Variants in RABGAP1L observed in about 807,000 individuals in gnomAD.
RABGAP1L encodes rab GTPase-activating protein 1-like.
In RABGAP1L, 63 loss-of-function variants were observed where a neutral mutation model predicts 137.7. The observed-to-expected ratio is 0.46, with a 90% CI of 0.37 to 0.56. The LOEUF (loss-of-function observed/expected upper bound fraction) is 0.56. Ranked by LOEUF, RABGAP1L falls within the 20% of genes least tolerant of loss-of-function variation. RABGAP1L has a pLI of 0.00. For missense variants in RABGAP1L, 1,095 were observed against 1,244.0 expected (o/e 0.88, Z 1.80); for synonymous variants, 431 against 433.7 (o/e 0.99, Z 0.08).
At chr1:174,170,671 CAAAA>C (rs35800051) in intron 1 of RABGAP1L, among the ~76,000 whole-genome samples, 1 of 85,348 alleles carries the variant, frequency 1.2e-5, no homozygotes, top group Non-Finnish European at 2.4e-5. Flanking sequence ...GACGCTGTTT[CAAAA>C]AAAAAAAAAA....
intron 1 of RABGAP1L, among the ~76,000 whole-genome samples, chr1:174,161,416 A>T (rs1163985793): frequency 6.6e-6 from 1 of 151,578 alleles, no homozygotes; most frequent in Non-Finnish European, 1.5e-5. Flanking sequence ...CTAATTTTGT[A>T]TTTTTAGTAC....
chr1:174,946,938 A>ATGTGTG (rs1260955516), intron 19 of RABGAP1L, among the ~76,000 whole-genome samples: 30 of 65,372 alleles, frequency 4.6e-4, no homozygotes, highest in African/African-American at 1.9e-3. Flanking sequence ...ATATATATAT[A>ATGTGTG]TATGTGTGTG....
chr1:174,814,398 C>T (rs1690170886), intron 19 of RABGAP1L, among the ~76,000 whole-genome samples: 1 of 151,730 alleles, frequency 6.6e-6, no homozygotes, highest in African/African-American at 2.4e-5. Flanking sequence ...AGACGGTATC[C>T]ACGGGACACC....
At chr1:174,468,709 A>G (rs984439782) in intron 13 of RABGAP1L, among the ~76,000 whole-genome samples, 1 of 150,546 alleles carries the variant, frequency 6.6e-6, no homozygotes, top group African/African-American at 2.4e-5. Context: ...ATCTATATCT[A>G]CCTCTTTCTC....
intron 19 of RABGAP1L, among the ~76,000 whole-genome samples, chr1:174,857,862 G>A (rs1649579252): frequency 6.6e-6 from 1 of 152,104 alleles, no homozygotes. Flanking sequence ...CTAATTCAGT[G>A]ACTCATTTAC....
intron 17 of RABGAP1L, among the ~76,000 whole-genome samples, chr1:174,709,548 G>C (rs1680314359): frequency 6.6e-6 from 1 of 152,124 alleles, no homozygotes; most frequent in African/African-American, 2.4e-5. Context: ...TTCTGCAGTG[G>C]ACCTCCAGCA....
chr1:174,360,410 G>A (rs1266225316), intron 11 of RABGAP1L, among the ~76,000 whole-genome samples: 1 of 151,944 alleles, frequency 6.6e-6, no homozygotes, highest in African/African-American at 2.4e-5. Context: ...TAATAGTTTG[G>A]CATTATTTCT....
At position 174,761,634 on chromosome 1, in the gene RABGAP1L, C is replaced by G. The variant is rs774658805; in HGVS notation, c.2211+9280C>G. 6.6e-6 allele frequency among the ~76,000 whole-genome samples: 1 copy of G among 152,200 alleles called. No individual in the cohort carries two copies. The highest frequency in any genetic ancestry group is 6.5e-5 in the Admixed American group (1 of 15,288). ...GCACTCCTCACTTCCCAGACGGAGA[C>G]AGTGTGGGGGCCGGACAAGGGCCGA... On this transcript the variant is annotated intron_variant, in intron 18 of 25. Coordinates refer to ENST00000681986, the MANE Select transcript of RABGAP1L (RefSeq NM_001366446.1). The surrounding 1 kb of genome is among the most constrained non-coding windows in gnomAD (Gnocchi z 4.0).
At chr1:174,248,919 C>T (rs1464736281) in intron 5 of RABGAP1L, among the ~76,000 whole-genome samples, 1 of 152,054 alleles carries the variant, frequency 6.6e-6, no homozygotes, top group Non-Finnish European at 1.5e-5. Context: ...TTTTTTAACC[C>T]TTCACATTTC....
At chr1:174,631,793 A>C (rs917630010) in intron 13 of RABGAP1L, among the ~76,000 whole-genome samples, 1 of 150,556 alleles carries the variant, frequency 6.6e-6, no homozygotes, top group Non-Finnish European at 1.5e-5. Context: ...ATGTCTCTGC[A>C]CGTGAGATGG....
Position 174,978,821 on chromosome 1 carries a change from C to T in RABGAP1L, c.2664C>T (p.Phe888=). The change falls in exon 23 of 26, where the codon TTC becomes TTT. Residue 888 remains phenylalanine (F), a synonymous_variant. Coordinates refer to ENST00000681986, the MANE Select transcript of RABGAP1L (RefSeq NM_001366446.1). ...EEETAQLKEV[F]RKQLEKAEYE... ...ATTCTTTCTAGCTAAAAGAAGTCTT[C>T]AGGAAACAGCTAGAGAAGGCAGAAT... 1.3e-6 allele frequency: 2 copies of T among 1,537,746 alleles called. No individual in the cohort carries two copies. The highest frequency in any genetic ancestry group is 1.2e-5 in the South Asian group (1 of 81,096).
chr1:174,692,345 G>A (rs1460461219), intron 15 of RABGAP1L, among the ~76,000 whole-genome samples: 1 of 152,114 alleles, frequency 6.6e-6, no homozygotes, highest in Non-Finnish European at 1.5e-5. Context: ...GAAAGCAGGG[G>A]TCTCCTCACG....
intron 14 of RABGAP1L, among the ~76,000 whole-genome samples, chr1:174,665,702 T>C (rs1362574588): frequency 6.6e-6 from 1 of 152,218 alleles, no homozygotes; most frequent in Non-Finnish European, 1.5e-5. Context: ...TGACCTCAGG[T>C]GATCCGCCTG....
intron 13 of RABGAP1L, among the ~76,000 whole-genome samples, chr1:174,430,587 A>C (rs1652516472): frequency 6.6e-6 from 1 of 152,170 alleles, no homozygotes; most frequent in Non-Finnish European, 1.5e-5. Flanking sequence ...CAGAGCATTC[A>C]AGACTGGAAG....
chr1:174,229,337 A>G (rs1045766669), intron 3 of RABGAP1L, among the ~76,000 whole-genome samples: 3 of 152,118 alleles, frequency 2.0e-5, no homozygotes, highest in African/African-American at 7.2e-5. Context: ...AATCCTCATT[A>G]TTTTGGGGCT....
At chr1:174,784,679 C>T (rs1687320775) in intron 18 of RABGAP1L, among the ~76,000 whole-genome samples, 1 of 152,194 alleles carries the variant, frequency 6.6e-6, no homozygotes, top group African/African-American at 2.4e-5. Context: ...AAGAATAGAC[C>T]AAACTGCAGG....
chr1:174,349,578 A>T (rs1398212404), intron 11 of RABGAP1L, among the ~76,000 whole-genome samples: 1 of 110,116 alleles, frequency 9.1e-6, no homozygotes, highest in Non-Finnish European at 1.9e-5. Flanking sequence ...CTGGCCGGGC[A>T]GGGGGGCTGA....
At chr1:174,755,317 G>T (rs10158096) in intron 18 of RABGAP1L, among the ~76,000 whole-genome samples, 16,259 of 152,186 alleles carry the variant, frequency 0.11, 971 homozygotes, top group East Asian at 0.22. Flanking sequence ...AGGTAGGTCA[G>T]ATATATTCCT....
intron 1 of RABGAP1L, among the ~76,000 whole-genome samples, chr1:174,204,810 G>A (rs1165699145): frequency 6.6e-6 from 1 of 152,156 alleles, no homozygotes; most frequent in Non-Finnish European, 1.5e-5. Context: ...GAGATGTGGA[G>A]TGTAGTACTT....
Sources: gnomAD v4.1 joint callset for allele counts (sites outside exome capture counted in the v4.1 genomes callset) on GRCh38, gnomAD v4.1.1 for gene constraint, Gnocchi (gnomAD v3.1) non-coding constraint, MANE v1.5 for transcripts, NCBI Gene and HGNC (gene_info 2026-07-23, HGNC 2026-07-21) for gene names.